Variants in WWOX observed in about 807,000 individuals in gnomAD.
The protein encoded by WWOX is WW domain-containing oxidoreductase.
WWOX carries 69 observed loss-of-function variants against 46.2 expected under a neutral mutation model. The observed-to-expected ratio is 1.49, with a 90% CI of 1.23 to 1.82. The LOEUF (loss-of-function observed/expected upper bound fraction) is 1.82, where lower values mean the gene tolerates loss of function less well. Among genes scored for constraint, WWOX ranks in the 40% most tolerant of loss-of-function variants. The probability of loss-of-function intolerance (pLI) is 0.00; values close to 1 mark genes in which losing one functional copy is unlikely to be tolerated. For missense variants in WWOX, 919 were observed against 542.6 expected (o/e 1.69, Z -6.89); for synonymous variants, 359 against 202.6 (o/e 1.77, Z -6.56).
intron 8 of WWOX, among the ~76,000 whole-genome samples, chr16:78,637,756 A>C (rs549533660): frequency 4.5e-4 from 68 of 152,330 alleles, no homozygotes; most frequent in African/African-American, 1.6e-3. Flanking sequence ...GTGGCAGCTA[A>C]GAGTGTCAAA....
At chr16:78,799,659 C>T (rs1448886472) in intron 8 of WWOX, among the ~76,000 whole-genome samples, 1 of 152,132 alleles carries the variant, frequency 6.6e-6, no homozygotes, top group Admixed American at 6.5e-5. Flanking sequence ...TTCTGTGGCA[C>T]TTTGCATACT....
chr16:79,043,025 G>A (rs961192584), intron 8 of WWOX, among the ~76,000 whole-genome samples: 9 of 152,072 alleles, frequency 5.9e-5, no homozygotes, highest in African/African-American at 2.2e-4. Flanking sequence ...GTTCAGTGAT[G>A]TAATGGGACA....
At chr16:78,180,681 A>G (rs72805001) in intron 5 of WWOX, among the ~76,000 whole-genome samples, 11 of 151,924 alleles carry the variant, frequency 7.2e-5, no homozygotes, top group Non-Finnish European at 1.6e-4. Context: ...TTGTGGGTAT[A>G]TGTTAGGGCC....
chr16:79,144,048 C>T (rs1261712825), intron 8 of WWOX, among the ~76,000 whole-genome samples: 1 of 152,132 alleles, frequency 6.6e-6, no homozygotes, highest in Non-Finnish European at 1.5e-5. Flanking sequence ...CAGGCACAGG[C>T]CTCCATACCC....
chr16:78,718,745 T>A, intron 8 of WWOX, among the ~76,000 whole-genome samples: 1 of 152,148 alleles, frequency 6.6e-6, no homozygotes, highest in East Asian at 1.9e-4. Flanking sequence ...TGAAGGATGT[T>A]TTTTTAAAAG....
intron 8 of WWOX, among the ~76,000 whole-genome samples, chr16:78,692,452 G>T (rs2048011454): frequency 6.6e-6 from 1 of 152,146 alleles, no homozygotes; most frequent in South Asian, 2.1e-4. Context: ...TTACAGAAGA[G>T]TGATGCCCCC....
At chr16:78,784,330 A>C (rs1213859138) in intron 8 of WWOX, among the ~76,000 whole-genome samples, 1 of 152,156 alleles carries the variant, frequency 6.6e-6, no homozygotes, top group Non-Finnish European at 1.5e-5. Flanking sequence ...TGTGACCCTG[A>C]TGAGATTACA....
At chr16:78,492,033 T>G (rs2084796245) in intron 8 of WWOX, among the ~76,000 whole-genome samples, 1 of 53,182 alleles carries the variant, frequency 1.9e-5, no homozygotes, top group African/African-American at 4.0e-5. Context: ...ACAAAGGGAG[T>G]GGGGGTGTGG....
At chr16:78,833,422 T>C (rs112130085) in intron 8 of WWOX, among the ~76,000 whole-genome samples, 1,976 of 150,374 alleles carry the variant, frequency 0.013, 49 homozygotes, top group African/African-American at 0.045. Flanking sequence ...GGCCCAGCCA[T>C]CTCCTCCTCC....
rs376267796 is a variant in WWOX, at chr16:78,525,007, G to A, written c.1056+92255G>A. Among the ~76,000 whole-genome samples the A allele has an allele frequency of 2.1e-3, 315 of 148,082 alleles. 6 individuals carry two copies. The highest frequency in any genetic ancestry group is 7.4e-3 in the African/African-American group (297 of 40,124). On this transcript the variant is annotated intron_variant, in intron 8 of 8. Transcript: ENST00000566780. Reference sequence around the variant, plus strand: ...CAGCCTCCTGAGTAGCTGGAATTACGGGCTCATGCCACCACACTTGGCTAC... The same window carrying A: ...CAGCCTCCTGAGTAGCTGGAATTACAGGCTCATGCCACCACACTTGGCTAC...
chr16:78,966,812 A>C (rs1379629481), intron 8 of WWOX, among the ~76,000 whole-genome samples: 1 of 152,160 alleles, frequency 6.6e-6, no homozygotes, highest in Non-Finnish European at 1.5e-5. Context: ...CTTTGGCAGA[A>C]TTACCTACTG....
chr16:78,984,447 A>C (rs538450655), intron 8 of WWOX, among the ~76,000 whole-genome samples: 32 of 152,342 alleles, frequency 2.1e-4, no homozygotes, highest in African/African-American at 5.5e-4. Context: ...GTTGTAGTGC[A>C]AAAGCAGCTG....
intron 6 of WWOX, among the ~76,000 whole-genome samples, chr16:78,396,687 G>C (rs1205095106): frequency 6.6e-6 from 1 of 152,136 alleles, no homozygotes; most frequent in Non-Finnish European, 1.5e-5. Flanking sequence ...CTAGACATTC[G>C]TCGGCAAAGT....
rs190988773 is a variant in WWOX, at chr16:78,390,126, G to A, written c.605+3178G>A. Among the ~76,000 whole-genome samples, 298 of 152,316 alleles carry A rather than the reference G, an allele frequency of 2.0e-3. 2 individuals are homozygous for A. The highest frequency in any genetic ancestry group is 3.2e-3 in the Non-Finnish European group (217 of 68,028). ...GGGTCACTTAGCAGGTTGGTGACGGGCATGGGGTTTCACTCCAGTCTGCCT... is the reference window on the plus strand; with the variant it reads ...GGGTCACTTAGCAGGTTGGTGACGGACATGGGGTTTCACTCCAGTCTGCCT... On this transcript the variant is annotated intron_variant, in intron 6 of 8. Transcript: ENST00000566780.
At chr16:79,117,417 G>A (rs950877181) in intron 8 of WWOX, among the ~76,000 whole-genome samples, 3 of 152,108 alleles carry the variant, frequency 2.0e-5, no homozygotes, top group Non-Finnish European at 4.4e-5. Context: ...TCTCATCCAG[G>A]GTTTGTTATT....
chr16:78,599,421 T>C (rs2738547), intron 8 of WWOX, among the ~76,000 whole-genome samples: 148,711 of 152,318 alleles, frequency 0.98, 72,705 homozygotes, highest in Middle Eastern at 1. Context: ...CGCCATAGCC[T>C]AAGGCTGTGG....
chr16:78,452,336 T>A (rs1380845214), intron 8 of WWOX, among the ~76,000 whole-genome samples: 1 of 152,188 alleles, frequency 6.6e-6, no homozygotes, highest in Non-Finnish European at 1.5e-5. Flanking sequence ...ACATGCTAGT[T>A]ACTGATTGCT....
chr16:78,392,202 C>G (rs114427826), intron 6 of WWOX, among the ~76,000 whole-genome samples: 274 of 152,148 alleles, frequency 1.8e-3, no homozygotes, highest in African/African-American at 6.5e-3. Context: ...CTGTCACTCT[C>G]ATTAGTGCCT....
At chr16:78,794,104 G>T (rs554719005) in intron 8 of WWOX, among the ~76,000 whole-genome samples, 20 of 152,076 alleles carry the variant, frequency 1.3e-4, no homozygotes, top group Non-Finnish European at 2.5e-4. Flanking sequence ...TTTGGGAGAT[G>T]ATTTGGACAT....
Sources: allele counts gnomAD v4.1 joint callset (sites outside exome capture counted in the v4.1 genomes callset), GRCh38; gene constraint gnomAD v4.1.1; transcripts MANE v1.5; gene names NCBI Gene and HGNC (gene_info 2026-07-23, HGNC 2026-07-21).